TNNI1: variants seen among roughly 807,000 people sequenced by gnomAD.
TNNI1 encodes troponin I1, slow skeletal type, also known as troponin I, slow skeletal muscle.
TNNI1 carries 14 observed loss-of-function variants against 26.7 expected under a neutral mutation model. The observed-to-expected ratio is 0.52, with a 90% CI of 0.35 to 0.82. TNNI1 has a LOEUF of 0.82. Among genes scored for constraint, TNNI1 ranks in the 40% least tolerant of loss-of-function variants. The probability of loss-of-function intolerance (pLI) is 0.01; values close to 1 mark genes in which losing one functional copy is unlikely to be tolerated. For missense variants in TNNI1, 164 were observed against 257.0 expected (o/e 0.64, Z 2.47); for synonymous variants, 79 against 98.2 (o/e 0.80, Z 1.16).
At chr1:201,417,599 G>A (rs1662771488) in intron 2 of TNNI1, 184 bp downstream of exon 2, 1 of 481,174 alleles carries the variant, frequency 2.1e-6, no homozygotes, top group East Asian at 3.5e-5. Context: ...AGTGAGTTCT[G>A]CTCAATGGCT....
At position 201,417,820 on chromosome 1, in the gene TNNI1, G is replaced by C; in HGVS notation, c.-19-8C>G. On this transcript the variant is annotated splice_region_variant and splice_polypyrimidine_tract_variant and intron_variant, in intron 1 of 8. Coordinates refer to ENST00000361379, the MANE Select transcript of TNNI1 (RefSeq NM_003281.4). ...GTGGCAGTGAGACAGCACCTAGGGGGCACAGAGGAATCATTCATAAGGGAA... is the reference window on the plus strand; with the variant it reads ...GTGGCAGTGAGACAGCACCTAGGGGCCACAGAGGAATCATTCATAAGGGAA... 1 of 1,312,778 alleles carries C rather than the reference G, an allele frequency of 7.6e-7. No individual in the cohort carries two copies. Among genetic ancestry groups the C allele is most frequent in the Non-Finnish European group, 9.8e-7 (1 of 1,021,628 alleles). 81.3% of individuals were successfully genotyped at this position (1,312,778 alleles called of 1,614,324 possible). A position where few individuals can be genotyped will look rare whatever the true frequency, so the allele number is the denominator to read the frequency against.
chr1:201,411,935 G>A lies in TNNI1; in HGVS notation c.280-402C>T, dbSNP rs1186568340. 1.3e-5 allele frequency among the ~76,000 whole-genome samples: 2 copies of A among 152,206 alleles called. No homozygotes were observed. Among genetic ancestry groups the A allele is most frequent in the Admixed American group, 1.3e-4 (2 of 15,284 alleles). ...CTCATTTGCCCACTGCTCACCTGCT[G>A]CAGTGTGGCCCAGTTCCTAACAGGC... is the stretch of plus-strand genomic sequence containing the variant. On this transcript the variant is annotated intron_variant, in intron 6 of 8. Coordinates refer to ENST00000361379, the MANE Select transcript of TNNI1 (RefSeq NM_003281.4). The surrounding 1 kb of genome is among the most constrained non-coding windows in gnomAD (Gnocchi z 4.6).
At position 201,411,724 on chromosome 1, in the gene TNNI1, C is replaced by T. The variant is rs191422608; in HGVS notation, c.280-191G>A. Among the ~76,000 whole-genome samples, 36 of 152,294 alleles carry T rather than the reference C, an allele frequency of 2.4e-4. No homozygotes were observed. The highest frequency in any genetic ancestry group is 4.4e-4 in the Non-Finnish European group (30 of 68,018). ...GGTTTTGTGGAAGACACTTTTTCCA[C>T]GGAGAGGTGGTGGGGTGGTTTCAGG... On this transcript the variant is annotated intron_variant, in intron 6 of 8. Coordinates refer to ENST00000361379, the MANE Select transcript of TNNI1 (RefSeq NM_003281.4). The surrounding 1 kb of genome is among the most constrained non-coding windows in gnomAD (Gnocchi z 4.6).
intron 3 of TNNI1, 147 bp downstream of exon 3, chr1:201,416,969 T>C: frequency 1.1e-6 from 1 of 916,210 alleles, no homozygotes; most frequent in Non-Finnish European, 1.8e-6. Flanking sequence ...CCTGGGAATT[T>C]GTTCAGCCAC....
At chr1:201,415,326 G>C in intron 3 of TNNI1, 72 bp from the exon 4 acceptor site, 1 of 1,507,272 alleles carries the variant, frequency 6.6e-7, no homozygotes, top group Non-Finnish European at 9.2e-7. Context: ...TCTAGGACAA[G>C]ACAAGTGCCA....
intron 6 of TNNI1, among the ~76,000 whole-genome samples, chr1:201,412,319 C>T (rs1022029280): frequency 9.9e-5 from 15 of 152,236 alleles, no homozygotes; most frequent in Non-Finnish European, 2.2e-4. Flanking sequence ...GGAGGAATTC[C>T]CAGGGTGTGA....
At chr1:201,417,218 A>G in intron 2 of TNNI1, 99 bp from the exon 3 acceptor site, 1 of 1,516,226 alleles carries the variant, frequency 6.6e-7, no homozygotes, top group Non-Finnish European at 9.2e-7. Flanking sequence ...CTCACAGACC[A>G]GCTTGGGGGA....
At position 201,420,159 on chromosome 1, in the gene TNNI1, C is replaced by A. The variant is rs749240052; in HGVS notation, c.-20+1514G>T. 6.4e-4 allele frequency among the ~76,000 whole-genome samples: 98 copies of A among 152,338 alleles called. 1 individual carries two copies. Among genetic ancestry groups the A allele is most frequent in the Admixed American group, 4.6e-4 (7 of 15,310 alleles). ...CAACTGTCCCCATTGTGGGGCCCTA[C>A]CTTCCAAGGCCGGTTTACACCTCCT... On this transcript the variant is annotated intron_variant, in intron 1 of 8. Coordinates refer to ENST00000361379, the MANE Select transcript of TNNI1 (RefSeq NM_003281.4).
intron 1 of TNNI1, among the ~76,000 whole-genome samples, chr1:201,420,749 G>A (rs993871154): frequency 1.3e-5 from 2 of 151,912 alleles, no homozygotes; most frequent in African/African-American, 4.8e-5. Flanking sequence ...TTGACTGACG[G>A]TTAACACTCC....
intron 3 of TNNI1, among the ~76,000 whole-genome samples, chr1:201,415,551 T>C (rs1188717497): frequency 7.1e-6 from 1 of 141,078 alleles, no homozygotes; most frequent in East Asian, 2.1e-4. Context: ...ACCTCCTTCC[T>C]CATCTGTAAA....
intron 3 of TNNI1, among the ~76,000 whole-genome samples, chr1:201,416,884 A>C (rs1053303869): frequency 3.3e-5 from 5 of 152,146 alleles, no homozygotes; most frequent in African/African-American, 1.2e-4. Flanking sequence ...TTCCAGTGAC[A>C]TGGTACACTG....
chr1:201,411,993 T>C lies in TNNI1; in HGVS notation c.280-460A>G, dbSNP rs1185466740. 1.3e-5 allele frequency among the ~76,000 whole-genome samples: 2 copies of C among 152,190 alleles called. No homozygotes were observed. The highest frequency in any genetic ancestry group is 4.1e-4 in the South Asian group (2 of 4,826). ...AGGTACTGGTCCACAGCCCAAGAGT[T>C]GGAGATCCCTGCTCTAGGACAGTCA... On this transcript the variant is annotated intron_variant, in intron 6 of 8. Transcript: ENST00000361379. The surrounding 1 kb of genome is among the most constrained non-coding windows in gnomAD (Gnocchi z 4.6).
At chr1:201,419,611 T>A (rs1295813463) in intron 1 of TNNI1, among the ~76,000 whole-genome samples, 1 of 152,132 alleles carries the variant, frequency 6.6e-6, no homozygotes, top group Non-Finnish European at 1.5e-5. Flanking sequence ...AATAATTGTA[T>A]CCCAGAGCCA....
At chr1:201,414,153 C>A (rs1022657703) in intron 5 of TNNI1, among the ~76,000 whole-genome samples, 1 of 152,166 alleles carries the variant, frequency 6.6e-6, no homozygotes, top group African/African-American at 2.4e-5. Flanking sequence ...TACCAGTGTT[C>A]TGAAAACATT....
Position 201,416,413 on chromosome 1 carries a change from A to C in TNNI1, c.15+703T>G, listed in dbSNP as rs1213282491. ...GACTCACTTTAATACGAGCCTCAGC[A>C]AAACTTAAAAATTCATATGAATGTT... On this transcript the variant is annotated intron_variant, in intron 3 of 8. Coordinates refer to ENST00000361379, the MANE Select transcript of TNNI1 (RefSeq NM_003281.4). Among the ~76,000 whole-genome samples, 7 of 152,338 alleles carry C rather than the reference A, an allele frequency of 4.6e-5. No homozygotes were observed. In the East Asian group the frequency reaches 1.3e-3, roughly 29 times the overall value.
intron 1 of TNNI1, among the ~76,000 whole-genome samples, 176 bp downstream of exon 1, chr1:201,421,497 T>C (rs1662855769): frequency 6.6e-6 from 1 of 152,218 alleles, no homozygotes; most frequent in African/African-American, 2.4e-5. Flanking sequence ...AGAGATGCCA[T>C]TCTGTGGGAC....
chr1:201,417,388 G>A (rs970358124), intron 2 of TNNI1, among the ~76,000 whole-genome samples: 2 of 152,220 alleles, frequency 1.3e-5, no homozygotes, highest in Non-Finnish European at 2.9e-5. Context: ...GGGACAAGTG[G>A]TGGAAGGGGA....
chr1:201,414,656 A>G lies in TNNI1; in HGVS notation c.58-7T>C. ...CCTTGGCCAGCATCAGGCTCTGGAC[A>G]GGACACACCTGCTGAGCTGGGGGCC... On this transcript the variant is annotated splice_region_variant and splice_polypyrimidine_tract_variant and intron_variant, in intron 4 of 8. Transcript: ENST00000361379. 6.2e-7 allele frequency: 1 copy of G among 1,611,886 alleles called. No homozygotes were observed. Among genetic ancestry groups the G allele is most frequent in the Non-Finnish European group, 8.5e-7 (1 of 1,178,788 alleles).
Position 201,413,096 on chromosome 1 carries a change from T to A in TNNI1, c.215A>T (p.Lys72Met). 6.2e-7 allele frequency: 1 copy of A among 1,614,076 alleles called. No homozygotes were observed. The highest frequency in any genetic ancestry group is 2.2e-5 in the East Asian group (1 of 44,868). ...LQDLCRELHA[K>M]VEVVDEERYD... ...TCGCTCCTCATCCACCACCTCCACC[T>A]TGGCGTGCAGCTCCCGGCACAGGTC... Residue 72 changes from lysine (K) to methionine (M), a missense_variant, in exon 6 of 9, where the codon AAG becomes ATG. Coordinates refer to ENST00000361379, the MANE Select transcript of TNNI1 (RefSeq NM_003281.4).
Sources: gnomAD v4.1 joint callset for allele counts (sites outside exome capture counted in the v4.1 genomes callset) on GRCh38, gnomAD v4.1.1 for gene constraint, Gnocchi (gnomAD v3.1) non-coding constraint, MANE v1.5 for transcripts, NCBI Gene and HGNC (gene_info 2026-07-23, HGNC 2026-07-21) for gene names.